The following PACRG variants were observed in gnomAD, a reference collection of about 807,000 sequenced individuals.
PACRG encodes the protein parkin coregulated.
PACRG carries 29 observed loss-of-function variants against 29.7 expected under a neutral mutation model. That is an observed-to-expected ratio of 0.98 (90% CI 0.73 to 1.33). The LOEUF (loss-of-function observed/expected upper bound fraction) is 1.33, where lower values mean the gene tolerates loss of function less well. Ranked by LOEUF, PACRG falls within the 40% of genes most tolerant of loss-of-function variation. The pLI is 0.00. For missense variants in PACRG, 279 were observed against 316.2 expected, an observed-to-expected ratio of 0.88 and a Z score of 0.89; for synonymous variants, 116 against 118.7, an observed-to-expected ratio of 0.98 and a Z score of 0.15.
At chr6:163,295,276 A>G (rs1784746551) in intron 4 of PACRG, among the ~76,000 whole-genome samples, 1 of 152,236 alleles carries the variant, frequency 6.6e-6, no homozygotes, top group Admixed American at 6.5e-5. Context: ...CACGGACCAA[A>G]AAGTATTTAA....
chr6:162,962,190 T>A (rs1392456725), intron 2 of PACRG, among the ~76,000 whole-genome samples: 1 of 152,180 alleles, frequency 6.6e-6, no homozygotes, highest in African/African-American at 2.4e-5. Context: ...TCTCTCTGCC[T>A]CTGTACCAGG....
At chr6:162,882,826 C>T (rs1794010860) in intron 2 of PACRG, among the ~76,000 whole-genome samples, 1 of 152,188 alleles carries the variant, frequency 6.6e-6, no homozygotes, top group Admixed American at 6.5e-5. Context: ...CCATTGTGCT[C>T]ACTCGCGTCT....
intron 1 of PACRG, among the ~76,000 whole-genome samples, chr6:162,806,108 C>T (rs1786297370): frequency 1.3e-5 from 2 of 150,912 alleles, no homozygotes; most frequent in Non-Finnish European, 2.9e-5. Context: ...GTATTTCTTT[C>T]TTTCCTTTTT....
intron 4 of PACRG, among the ~76,000 whole-genome samples, chr6:163,147,554 T>C (rs1299073188): frequency 2.0e-5 from 3 of 152,160 alleles, no homozygotes; most frequent in Non-Finnish European, 4.4e-5. Context: ...ACTATAATAT[T>C]TTCTCTGAAG....
At chr6:163,079,832 A>T (rs539798167) in intron 3 of PACRG, among the ~76,000 whole-genome samples, 1 of 150,818 alleles carries the variant, frequency 6.6e-6, no homozygotes, top group South Asian at 2.1e-4. Context: ...CTACTGTCTA[A>T]ACCCTGTGGA....
At chr6:163,190,909 C>A (rs1208814677) in intron 4 of PACRG, 1 of 455,902 alleles carries the variant, frequency 2.2e-6, no homozygotes. Context: ...CACACTCACC[C>A]AGTGCCCGTG....
At chr6:163,254,710 C>T (rs1004110841) in intron 4 of PACRG, among the ~76,000 whole-genome samples, 1 of 152,214 alleles carries the variant, frequency 6.6e-6, no homozygotes, top group African/African-American at 2.4e-5. Context: ...GCCCGTGCAG[C>T]AGGGCAGAAC....
At chr6:162,877,029 G>A (rs948863832) in intron 2 of PACRG, among the ~76,000 whole-genome samples, 4 of 152,096 alleles carry the variant, frequency 2.6e-5, no homozygotes, top group East Asian at 1.9e-4. Flanking sequence ...ACAGTGTGGC[G>A]ATTCCTCAAG....
intron 2 of PACRG, among the ~76,000 whole-genome samples, chr6:162,884,013 C>A (rs1219605693): frequency 6.6e-6 from 1 of 152,094 alleles, no homozygotes; most frequent in Admixed American, 6.6e-5. Context: ...TCGTAGCTTA[C>A]CGAAGCCTTG....
chr6:162,751,945 A>C (rs543881580), intron 1 of PACRG, among the ~76,000 whole-genome samples: 1 of 152,240 alleles, frequency 6.6e-6, no homozygotes, highest in East Asian at 1.9e-4. Context: ...CACATTTCTA[A>C]TTTGTTTCTA....
chr6:162,787,520 T>C (rs554347347), intron 1 of PACRG, among the ~76,000 whole-genome samples: 2 of 146,230 alleles, frequency 1.4e-5, no homozygotes, highest in Admixed American at 6.9e-5. Flanking sequence ...TGTGTGTGTA[T>C]ATGTGTGTGT....
intron 1 of PACRG, among the ~76,000 whole-genome samples, chr6:162,789,465 G>A (rs779572876): frequency 1.3e-5 from 2 of 151,890 alleles, no homozygotes; most frequent in Non-Finnish European, 2.9e-5. Flanking sequence ...CATCTTCTAA[G>A]GCAAAAATCA....
At chr6:163,207,891 T>C (rs11755745) in intron 4 of PACRG, among the ~76,000 whole-genome samples, 34,888 of 152,192 alleles carry the variant, frequency 0.23, 4,082 homozygotes, top group East Asian at 0.3. Flanking sequence ...CCAAGTGAGA[T>C]TGTGCCTGTC....
rs542284740 is a variant in PACRG, at chr6:163,120,404, T to C, written c.613+30996T>C. The stretch of plus-strand genomic sequence containing the variant: ...GCTACTCTGTCCTCAGTGTGTGAAA[T>C]GCCCACCTTTAGGGGCGCTGTTGGG... On this transcript the variant is annotated intron_variant, in intron 4 of 4. Coordinates refer to ENST00000366888, the MANE Select transcript of PACRG (RefSeq NM_001080379.2). Among the ~76,000 whole-genome samples the C allele has an allele frequency of 9.7e-4, 148 of 152,254 alleles. 1 individual carries two copies. The highest frequency in any genetic ancestry group is 3.5e-3 in the African/African-American group (146 of 41,560).
intron 4 of PACRG, among the ~76,000 whole-genome samples, chr6:163,237,976 C>A (rs1000067396): frequency 1.3e-5 from 2 of 152,148 alleles, no homozygotes; most frequent in African/African-American, 4.8e-5. Context: ...GCTAAAGTTC[C>A]TGGGGCTTTT....
At chr6:163,198,706 C>G (rs1780576890) in intron 4 of PACRG, among the ~76,000 whole-genome samples, 1 of 152,172 alleles carries the variant, frequency 6.6e-6, no homozygotes, top group African/African-American at 2.4e-5. Flanking sequence ...ATCGTGAACC[C>G]AGAAAATCTG....
At chr6:163,076,354 G>A (rs562631400) in intron 3 of PACRG, among the ~76,000 whole-genome samples, 7 of 152,210 alleles carry the variant, frequency 4.6e-5, no homozygotes, top group African/African-American at 7.2e-5. Flanking sequence ...CACCCTCTGC[G>A]AGGCCCTCGC....
rs544200151 is a variant in PACRG at position 162,779,251 on chromosome 6, T to C, written c.157-34896T>C. Among the ~76,000 whole-genome samples the C allele has an allele frequency of 2.4e-4, 36 of 152,348 alleles. 1 individual carries two copies. The South Asian group carries it at 4.8e-3, about 20-fold the overall frequency. On this transcript the variant is annotated intron_variant, in intron 1 of 4. Coordinates refer to ENST00000366888, the MANE Select transcript of PACRG (RefSeq NM_001080379.2). ...GCTGCATAGTATTCCACGGTGTATA[T>C]GTACCACATTTTCTTTATCCAGTCT...
chr6:163,004,579 G>C (rs1804868795), intron 2 of PACRG, among the ~76,000 whole-genome samples: 1 of 151,778 alleles, frequency 6.6e-6, no homozygotes, highest in African/African-American at 2.4e-5. Context: ...CCATGATTCA[G>C]TTACCCCCAC....
Sources: gnomAD v4.1 joint callset for allele counts (sites outside exome capture counted in the v4.1 genomes callset) on GRCh38, gnomAD v4.1.1 for gene constraint, MANE v1.5 for transcripts, NCBI Gene and HGNC (gene_info 2026-07-23, HGNC 2026-07-21) for gene names.